ASAP1: variants seen among roughly 807,000 people sequenced by gnomAD.
ASAP1 encodes the protein ArfGAP with SH3 domain, ankyrin repeat and PH domain 1, also known as arf-GAP with SH3 domain, ANK repeat and PH domain-containing protein 1.
A neutral mutation model predicts 145.2 loss-of-function variants in ASAP1; 43 were observed. The observed-to-expected ratio is 0.30, with a 90% CI of 0.23 to 0.38. The LOEUF (loss-of-function observed/expected upper bound fraction) is 0.38, where lower values mean the gene tolerates loss of function less well. ASAP1 is among the 10% of genes least tolerant of loss of function. The pLI, the probability that ASAP1 is intolerant of heterozygous loss-of-function variation, is 1.00. For synonymous variants in ASAP1, 546 were observed against 515.5 expected (o/e 1.06, Z -0.80); for missense variants, 1,018 against 1,355.3 (o/e 0.75, Z 3.91).
intron 15 of ASAP1, among the ~76,000 whole-genome samples, chr8:130,131,270 G>A (rs1048650129): frequency 6.6e-6 from 1 of 152,194 alleles, no homozygotes; most frequent in African/African-American, 2.4e-5. Context: ...ACTTTCCTCA[G>A]TGAGAAGAAA....
At chr8:130,228,262 C>T (rs1255180720) in intron 4 of ASAP1, among the ~76,000 whole-genome samples, 1 of 152,100 alleles carries the variant, frequency 6.6e-6, no homozygotes, top group Non-Finnish European at 1.5e-5. Flanking sequence ...TGGCATAGAA[C>T]ACCCCCCAAA....
chr8:130,407,473 A>G (rs1213693183), intron 1 of ASAP1, among the ~76,000 whole-genome samples: 1 of 152,234 alleles, frequency 6.6e-6, no homozygotes, highest in Non-Finnish European at 1.5e-5. Flanking sequence ...GAGCGGCAGC[A>G]TCTGTACATA....
At chr8:130,118,457 C>T (rs1286185837) in intron 19 of ASAP1, 32 bp downstream of exon 19, 6 of 1,576,510 alleles carry the variant, frequency 3.8e-6, no homozygotes, top group Non-Finnish European at 5.2e-6. Flanking sequence ...TTCCACATTA[C>T]TTTTTATCCA....
chr8:130,271,320 TA>T (rs952754669), intron 3 of ASAP1, among the ~76,000 whole-genome samples: 2 of 152,214 alleles, frequency 1.3e-5, no homozygotes, highest in Non-Finnish European at 2.9e-5. Flanking sequence ...CTACCCTTTT[TA>T]AAAAAATCAA....
At chr8:130,390,939 G>A (rs28668341) in intron 2 of ASAP1, among the ~76,000 whole-genome samples, 9 of 141,872 alleles carry the variant, frequency 6.3e-5, no homozygotes, top group East Asian at 2.0e-4. Context: ...TATATCCCCC[G>A]CCCCCCCAAA....
chr8:130,134,724 G>A (rs866550015), intron 14 of ASAP1, among the ~76,000 whole-genome samples: 2 of 152,356 alleles, frequency 1.3e-5, no homozygotes, highest in Non-Finnish European at 2.9e-5. Context: ...ACAGTGAGGA[G>A]AGGGGAAGGT....
intron 3 of ASAP1, among the ~76,000 whole-genome samples, chr8:130,311,635 C>A (rs1586807888): frequency 6.6e-6 from 1 of 151,942 alleles, no homozygotes; most frequent in Non-Finnish European, 1.5e-5. Flanking sequence ...GTGGCACATG[C>A]CTGTAATCCC....
intron 9 of ASAP1, among the ~76,000 whole-genome samples, chr8:130,175,041 T>A (rs990658118): frequency 6.6e-6 from 1 of 152,210 alleles, no homozygotes; most frequent in African/African-American, 2.4e-5. Flanking sequence ...GTTGCACCAT[T>A]TACATTCCTA....
chr8:130,204,187 T>C (rs1816054176), intron 5 of ASAP1, among the ~76,000 whole-genome samples: 1 of 152,170 alleles, frequency 6.6e-6, no homozygotes, highest in Non-Finnish European at 1.5e-5. Flanking sequence ...GGAACCCTAC[T>C]GTGAACTGCA....
chr8:130,352,181 A>G (rs1826033477), intron 3 of ASAP1, among the ~76,000 whole-genome samples: 1 of 150,058 alleles, frequency 6.7e-6, no homozygotes, highest in African/African-American at 2.4e-5. Context: ...CAAAAGTATA[A>G]ATCTTGATTT....
intron 3 of ASAP1, among the ~76,000 whole-genome samples, chr8:130,300,145 C>CAGAGAGAG (rs1565185889): frequency 1.7e-4 from 18 of 107,452 alleles, no homozygotes; most frequent in African/African-American, 7.4e-4. Context: ...CACACACACA[C>CAGAGAGAG]ACACACACAG....
At chr8:130,119,542 C>T (rs1294569992) in intron 18 of ASAP1, among the ~76,000 whole-genome samples, 1 of 152,162 alleles carries the variant, frequency 6.6e-6, no homozygotes, top group Non-Finnish European at 1.5e-5. Flanking sequence ...CCAATGGTCA[C>T]CTTGGCCACC....
intron 12 of ASAP1, among the ~76,000 whole-genome samples, chr8:130,153,335 A>ATATATATATATATATATATATG (rs2097650829): frequency 1.5e-5 from 1 of 65,342 alleles, no homozygotes; most frequent in African/African-American, 6.8e-5. Flanking sequence ...CTTTTTAAAT[A>ATATATATATATATATATATATG]TATATATATA....
intron 2 of ASAP1, among the ~76,000 whole-genome samples, chr8:130,372,497 A>G (rs2138297623): frequency 6.6e-6 from 1 of 152,364 alleles, no homozygotes; most frequent in Admixed American, 6.5e-5. Context: ...GATACCTACC[A>G]GTGTATTATC....
chr8:130,079,891 A>G lies in ASAP1; in HGVS notation c.2642+11T>C. The G allele has an allele frequency of 6.2e-7, 1 of 1,612,982 alleles. No homozygotes were observed. Among genetic ancestry groups the G allele is most frequent in the South Asian group, 1.1e-5 (1 of 91,040 alleles). The stretch of plus-strand genomic sequence containing the variant: ...ATCCAACAGGGGAAATGAAGCGCTG[A>G]GATGGCTTACCTCGACTGCTGGGAT... On this transcript the variant is annotated intron_variant, in intron 26 of 29. Coordinates refer to ENST00000518721, the MANE Select transcript of ASAP1 (RefSeq NM_018482.4).
In ASAP1 at chr8:130,349,245, A is replaced by G. The variant is rs138593654; in HGVS notation, c.186+8772T>C. ...TTGGTGTTGCCCTAGTCCTCTCCTT[A>G]GTCCCATCTGTGCCTCCCCAGTCCG... On this transcript the variant is annotated intron_variant, in intron 3 of 29. Transcript: ENST00000518721. 1.5e-3 allele frequency among the ~76,000 whole-genome samples: 233 copies of G among 152,324 alleles called. 1 individual carries two copies. The highest frequency in any genetic ancestry group is 2.7e-3 in the Non-Finnish European group (184 of 68,026).
chr8:130,149,118 A>G (rs1310388204), intron 13 of ASAP1, among the ~76,000 whole-genome samples: 1 of 149,576 alleles, frequency 6.7e-6, no homozygotes. Context: ...AAAATGAGGC[A>G]TGAGCGGATT....
Position 130,060,792 on chromosome 8 carries a change from T to C in ASAP1, c.2979A>G (p.Pro993=), listed in dbSNP as rs758696528. 7.4e-6 allele frequency: 12 copies of C among 1,613,698 alleles called. No individual in the cohort carries two copies. Among genetic ancestry groups the C allele is most frequent in the South Asian group, 2.2e-5 (2 of 91,058 alleles). Residue 993 remains proline, a synonymous_variant, in exon 28 of 30, where the codon CCA becomes CCG. Coordinates refer to ENST00000518721, the MANE Select transcript of ASAP1 (RefSeq NM_018482.4). The part of the protein sequence containing the change: ...KPQMKDLPPK[P]QLGDLLAKSQ... ...ATTTTGCTAGCAGGTCTCCCAGCTG[T>C]GGTTTGGGGGGCAGGTCCTTCATCT...
intron 2 of ASAP1, among the ~76,000 whole-genome samples, chr8:130,400,790 C>CAAA (rs112753204): frequency 2.9e-5 from 3 of 103,048 alleles, no homozygotes; most frequent in African/African-American, 3.3e-5. Flanking sequence ...GACTCCGTCT[C>CAAA]AAAAAAAAAA....
Sources: gnomAD v4.1 joint callset for allele counts (sites outside exome capture counted in the v4.1 genomes callset) on GRCh38, gnomAD v4.1.1 for gene constraint, MANE v1.5 for transcripts, NCBI Gene and HGNC (gene_info 2026-07-23, HGNC 2026-07-21) for gene names.